The following AGAP1 variants were observed in gnomAD, a reference collection of about 807,000 sequenced individuals.
The protein encoded by AGAP1 is arf-GAP with GTPase, ANK repeat and PH domain-containing protein 1.
In AGAP1, 29 loss-of-function variants were observed where a neutral mutation model predicts 105.3. The observed-to-expected ratio is 0.28, with a 90% CI of 0.21 to 0.38. The LOEUF (loss-of-function observed/expected upper bound fraction) is 0.38. AGAP1 is among the 10% of genes least tolerant of loss of function. The pLI is 1.00. For missense variants in AGAP1, 998 were observed against 1,165.1 expected (o/e 0.86, Z 2.09); for synonymous variants, 509 against 485.9 (o/e 1.05, Z -0.63).
At chr2:235,819,739 C>G (rs1958677275) in intron 9 of AGAP1, among the ~76,000 whole-genome samples, 1 of 152,056 alleles carries the variant, frequency 6.6e-6, no homozygotes, top group African/African-American at 2.4e-5. Context: ...TCATTCACGC[C>G]TCCTTTCCCA....
At position 236,124,362 on chromosome 2, in the gene AGAP1, C is replaced by T. The variant is rs2059970516; in HGVS notation, c.*240C>T. 7 of 577,590 alleles carry T rather than the reference C, an allele frequency of 1.2e-5. No individual in the cohort carries two copies. The highest frequency in any genetic ancestry group is 1.2e-4 in the South Asian group (6 of 49,652). 35.8% of individuals were successfully genotyped at this position (577,590 alleles called of 1,614,324 possible). On this transcript the variant is annotated 3_prime_UTR_variant, in exon 18 of 18. Coordinates refer to ENST00000304032, the MANE Select transcript of AGAP1 (RefSeq NM_001037131.3). This position sits in a 1 kb window ranked among gnomAD's most constrained non-coding sequence, Gnocchi z 5.1. ...CCTTTTCATAAACTCCCCTAAACCA[C>T]ACACAGGAGAGAGCGACGGGCCTCG...
At chr2:236,007,365 G>A (rs1480796963) in intron 13 of AGAP1, among the ~76,000 whole-genome samples, 2 of 152,190 alleles carry the variant, frequency 1.3e-5, no homozygotes, top group Non-Finnish European at 2.9e-5. Flanking sequence ...ACCCTGAAGT[G>A]TATCATTTCA....
At position 236,003,568 on chromosome 2, in the gene AGAP1, G is replaced by C. The variant is rs2056210463; in HGVS notation, c.1646-32993G>C. 6.6e-6 allele frequency among the ~76,000 whole-genome samples: 1 copy of C among 152,204 alleles called. No homozygotes were observed. The highest frequency in any genetic ancestry group is 6.5e-5 in the Admixed American group (1 of 15,286). On this transcript the variant is annotated intron_variant, in intron 13 of 17. Coordinates refer to ENST00000304032, the MANE Select transcript of AGAP1 (RefSeq NM_001037131.3). This position sits in a 1 kb window ranked among gnomAD's most constrained non-coding sequence, Gnocchi z 4.2. Reference sequence around the variant, plus strand: ...CCCGCAGCCCCCCTGCGCTGCTGCTGCCCGCATGGGGTACCCTTAAGTCCC... The same window carrying C: ...CCCGCAGCCCCCCTGCGCTGCTGCTCCCCGCATGGGGTACCCTTAAGTCCC...
chr2:235,509,432 C>T (rs1941974381), intron 1 of AGAP1, among the ~76,000 whole-genome samples: 1 of 151,778 alleles, frequency 6.6e-6, no homozygotes, highest in Non-Finnish European at 1.5e-5. Flanking sequence ...ACGGTTTCAC[C>T]ATGTTGGCCA....
chr2:235,535,945 C>A lies in AGAP1; in HGVS notation c.163+41096C>A, dbSNP rs377388233. ...CCTCCTTGGCTGGTGGACGTAAGGCCCCTCGCCCCATCTGCTTCCTGCTCT... is the reference window on the plus strand; with the variant it reads ...CCTCCTTGGCTGGTGGACGTAAGGCACCTCGCCCCATCTGCTTCCTGCTCT... On this transcript the variant is annotated intron_variant, in intron 1 of 17. Coordinates refer to ENST00000304032, the MANE Select transcript of AGAP1 (RefSeq NM_001037131.3). This position sits in a 1 kb window ranked among gnomAD's most constrained non-coding sequence, Gnocchi z 5.1. Among the ~76,000 whole-genome samples the A allele has an allele frequency of 6.6e-6, 1 of 151,896 alleles. No homozygotes were observed. The highest frequency in any genetic ancestry group is 2.4e-5 in the African/African-American group (1 of 41,320).
intron 1 of AGAP1, among the ~76,000 whole-genome samples, chr2:235,581,479 G>T (rs1441921584): frequency 1.3e-5 from 2 of 148,700 alleles, no homozygotes; most frequent in Non-Finnish European, 3.0e-5. Context: ...GATTGAGTGT[G>T]AAACTGGTGG....
intron 9 of AGAP1, among the ~76,000 whole-genome samples, chr2:235,820,243 T>A (rs185372073): frequency 6.6e-6 from 1 of 152,336 alleles, no homozygotes; most frequent in African/African-American, 2.4e-5. Context: ...AAAGAATATG[T>A]TATATTGGAG....
intron 6 of AGAP1, among the ~76,000 whole-genome samples, chr2:235,759,751 C>G (rs1312151525): frequency 1.3e-5 from 2 of 152,154 alleles, no homozygotes; most frequent in South Asian, 2.1e-4. Context: ...TTTTATGAAA[C>G]ATGACATTGT....
chr2:235,972,352 A>T (rs570878443), intron 13 of AGAP1, among the ~76,000 whole-genome samples: 1 of 152,316 alleles, frequency 6.6e-6, no homozygotes, highest in Non-Finnish European at 1.5e-5. Context: ...CAAATTTATC[A>T]GGGTCCTTTG....
At chr2:235,918,234 C>A (rs934121474) in intron 11 of AGAP1, among the ~76,000 whole-genome samples, 3 of 152,244 alleles carry the variant, frequency 2.0e-5, no homozygotes, top group Non-Finnish European at 2.9e-5. Flanking sequence ...AAGTACCCTT[C>A]TAGCACCTTG....
In AGAP1 at chr2:235,663,805, A is replaced by T. The variant is rs1559323573; in HGVS notation, c.164-45374A>T. 6.6e-6 allele frequency among the ~76,000 whole-genome samples: 1 copy of T among 152,172 alleles called. No homozygotes were observed. The highest frequency in any genetic ancestry group is 1.5e-5 in the Non-Finnish European group (1 of 68,046). ...TTTGAGAAGGAATGTCTGCATGAAG[A>T]CCATCGTACAGATGGCGATATTAGA... On this transcript the variant is annotated intron_variant, in intron 1 of 17. Coordinates refer to ENST00000304032, the MANE Select transcript of AGAP1 (RefSeq NM_001037131.3). This position sits in a 1 kb window ranked among gnomAD's most constrained non-coding sequence, Gnocchi z 5.4.
chr2:235,654,546 G>T (rs1947711795), intron 1 of AGAP1, among the ~76,000 whole-genome samples: 1 of 152,150 alleles, frequency 6.6e-6, no homozygotes, highest in Admixed American at 6.6e-5. Context: ...AGTAAAGAAT[G>T]GTTCACCAAG....
intron 1 of AGAP1, among the ~76,000 whole-genome samples, chr2:235,644,773 C>A (rs894871873): frequency 6.6e-6 from 1 of 152,164 alleles, no homozygotes; most frequent in African/African-American, 2.4e-5. Flanking sequence ...GGATTGGGAA[C>A]CCCTGTTACT....
rs1008377830 is a variant in AGAP1 at position 235,739,247 on chromosome 2, G to A, written c.311-1716G>A. On this transcript the variant is annotated intron_variant, in intron 3 of 17. Transcript: ENST00000304032. The surrounding 1 kb of genome is among the most constrained non-coding windows in gnomAD (Gnocchi z 5.3). ...TAGGCCAGTATCGGGGTCTGGGGGC[G>A]ACCGTCTGCAGCACCGTCACATACG... 6.6e-6 allele frequency among the ~76,000 whole-genome samples: 1 copy of A among 152,224 alleles called. No homozygotes were observed. The highest frequency in any genetic ancestry group is 1.5e-5 in the Non-Finnish European group (1 of 68,050).
chr2:235,670,661 G>A (rs1471025013), intron 1 of AGAP1: 2 of 650,334 alleles, frequency 3.1e-6, no homozygotes, highest in East Asian at 3.3e-5. Flanking sequence ...GCCGTGCGAC[G>A]AGGCCGCGGC....
chr2:235,746,175 C>G (rs1393166735), intron 5 of AGAP1, among the ~76,000 whole-genome samples: 1 of 151,422 alleles, frequency 6.6e-6, no homozygotes, highest in Non-Finnish European at 1.5e-5. Context: ...ATCCCAGCTA[C>G]TTGGGAGGCT....
intron 1 of AGAP1, among the ~76,000 whole-genome samples, chr2:235,637,295 C>A (rs758124986): frequency 1.5e-4 from 23 of 152,126 alleles, no homozygotes; most frequent in Admixed American, 9.2e-4. Flanking sequence ...AAAGACAGAG[C>A]CTTACTCTGT....
chr2:235,829,299 G>A (rs556804071), intron 9 of AGAP1, among the ~76,000 whole-genome samples: 4 of 152,356 alleles, frequency 2.6e-5, no homozygotes, highest in South Asian at 2.1e-4. Context: ...TTCCACTTTC[G>A]TCATCAAGGA....
intron 3 of AGAP1, among the ~76,000 whole-genome samples, chr2:235,738,996 C>G (rs538106656): frequency 6.6e-6 from 1 of 152,280 alleles, no homozygotes; most frequent in East Asian, 1.9e-4. Flanking sequence ...CTGTCGTAAG[C>G]AGGCTTATTC....
Sources: gnomAD v4.1 joint callset for allele counts (sites outside exome capture counted in the v4.1 genomes callset) on GRCh38, gnomAD v4.1.1 for gene constraint, Gnocchi (gnomAD v3.1) non-coding constraint, MANE v1.5 for transcripts, NCBI Gene and HGNC (gene_info 2026-07-23, HGNC 2026-07-21) for gene names.